The following SV2C variants were observed in gnomAD, a reference collection of about 807,000 sequenced individuals.
SV2C encodes synaptic vesicle glycoprotein 2C, also known as solute carrier family 22 member B3.
Under a neutral mutation model 79.7 loss-of-function variants are expected in SV2C, and 49 were observed. That is an observed-to-expected ratio of 0.61 (90% CI 0.49 to 0.78). The LOEUF (loss-of-function observed/expected upper bound fraction) is 0.78. Ranked by LOEUF, SV2C falls within the 30% of genes least tolerant of loss-of-function variation. The pLI is 0.00. For missense variants in SV2C, 833 were observed against 912.9 expected (o/e 0.91, Z 1.13); for synonymous variants, 334 against 333.2 (o/e 1.00, Z -0.03).
At chr5:75,891,340 T>G in the SV2C span, among the ~76,000 whole-genome samples, 1 of 152,116 alleles carries the variant, frequency 6.6e-6, no homozygotes, top group Non-Finnish European at 1.5e-5. Flanking sequence ...AGGGTAGAAC[T>G]CTCTTCATGT....
chr5:75,885,975 C>T, the SV2C span, among the ~76,000 whole-genome samples: 1 of 152,236 alleles, frequency 6.6e-6, no homozygotes, highest in East Asian at 1.9e-4. Context: ...TCACTCAGTT[C>T]CGTGGGGAGC....
chr5:76,260,712 T>C (rs1325708408), intron 4 of SV2C, among the ~76,000 whole-genome samples: 6 of 152,224 alleles, frequency 3.9e-5, no homozygotes, highest in Non-Finnish European at 8.8e-5. Flanking sequence ...CCTTTCCCCA[T>C]TGCTTGTTTT....
intron 12 of SV2C, among the ~76,000 whole-genome samples, chr5:76,351,781 C>T (rs1749646683): frequency 2.0e-5 from 3 of 152,186 alleles, no homozygotes; most frequent in Non-Finnish European, 4.4e-5. Flanking sequence ...ATAGTGCTAG[C>T]CAGACCGTGT....
At chr5:76,093,809 A>T (rs1747458248) in intron 1 of SV2C, among the ~76,000 whole-genome samples, 1 of 151,992 alleles carries the variant, frequency 6.6e-6, no homozygotes, top group Non-Finnish European at 1.5e-5. Context: ...TTATCAAATT[A>T]TTTTCCCCCT....
chr5:76,184,196 C>A (rs1743837492), intron 2 of SV2C, among the ~76,000 whole-genome samples: 1 of 152,152 alleles, frequency 6.6e-6, no homozygotes, highest in Admixed American at 6.5e-5. Flanking sequence ...TTTTGTTTTT[C>A]TTAAAGCTCT....
At chr5:76,306,476 A>C (rs1182026538) in intron 12 of SV2C, among the ~76,000 whole-genome samples, 1 of 152,228 alleles carries the variant, frequency 6.6e-6, no homozygotes, top group Non-Finnish European at 1.5e-5. Flanking sequence ...ACTAAAGTGC[A>C]ATTTATTATC....
At chr5:76,060,456 C>T in the SV2C span, among the ~76,000 whole-genome samples, 1,244 of 152,208 alleles carry the variant, frequency 8.2e-3, 26 homozygotes, top group African/African-American at 0.029. Context: ...GTAAGTGCAG[C>T]GTCATCTTTC....
At chr5:75,931,065 T>G in the SV2C span, among the ~76,000 whole-genome samples, 1 of 152,072 alleles carries the variant, frequency 6.6e-6, no homozygotes, top group Admixed American at 6.5e-5. Flanking sequence ...ACCTGGGAGG[T>G]GAGGTTGCAG....
intron 12 of SV2C, among the ~76,000 whole-genome samples, chr5:76,347,071 G>A (rs929848012): frequency 6.6e-6 from 1 of 152,110 alleles, no homozygotes; most frequent in Non-Finnish European, 1.5e-5. Context: ...AAAGAGGGGG[G>A]AAAAACAGAA....
intron 2 of SV2C, among the ~76,000 whole-genome samples, chr5:76,189,086 G>A (rs1744016501): frequency 6.6e-6 from 1 of 152,058 alleles, no homozygotes; most frequent in Non-Finnish European, 1.5e-5. Flanking sequence ...CCCAAACCAA[G>A]CATTTGACAC....
the SV2C span, among the ~76,000 whole-genome samples, chr5:76,034,349 A>T: frequency 6.6e-6 from 1 of 152,196 alleles, no homozygotes; most frequent in Non-Finnish European, 1.5e-5. Flanking sequence ...GAATGCTTCC[A>T]GCTTTTGTCC....
At chr5:75,984,594 T>TCTACCTATCTATCTATCTAC in the SV2C span, among the ~76,000 whole-genome samples, 3 of 81,802 alleles carry the variant, frequency 3.7e-5, no homozygotes, top group African/African-American at 9.5e-5. Context: ...TATCTATCTA[T>TCTACCTATCTATCTATCTAC]CTACCTATCT....
the SV2C span, among the ~76,000 whole-genome samples, chr5:75,853,559 A>AG: frequency 6.9e-5 from 10 of 144,644 alleles, no homozygotes; most frequent in Middle Eastern, 3.8e-3. Context: ...CCTTCTCAAA[A>AG]AAAAAAAAAA....
the SV2C span, among the ~76,000 whole-genome samples, chr5:75,892,506 G>C: frequency 6.6e-6 from 1 of 151,822 alleles, no homozygotes; most frequent in Non-Finnish European, 1.5e-5. Flanking sequence ...TGATGCTGAG[G>C]TTTGGGGTAC....
the SV2C span, among the ~76,000 whole-genome samples, chr5:75,985,841 G>A: frequency 8.0e-3 from 1,211 of 151,878 alleles, 17 homozygotes; most frequent in African/African-American, 0.028. Flanking sequence ...TGAAATAGGT[G>A]CATTCACAAT....
the SV2C span, among the ~76,000 whole-genome samples, chr5:76,014,133 G>C: frequency 6.9e-6 from 1 of 144,084 alleles, no homozygotes; most frequent in Admixed American, 7.3e-5. Flanking sequence ...AGAGAGAAAG[G>C]AATGAGGAAA....
intron 1 of SV2C, among the ~76,000 whole-genome samples, chr5:76,114,630 G>A (rs1419855876): frequency 1.3e-5 from 2 of 152,208 alleles, no homozygotes; most frequent in Non-Finnish European, 2.9e-5. Flanking sequence ...AGAAAAGACA[G>A]GCAGACAAGT....
the SV2C span, among the ~76,000 whole-genome samples, chr5:76,016,892 C>T: frequency 6.6e-6 from 1 of 152,206 alleles, no homozygotes; most frequent in African/African-American, 2.4e-5. Context: ...TTTCCTTGCT[C>T]AGCAGGCAAA....
At chr5:75,994,224 G>A in the SV2C span, among the ~76,000 whole-genome samples, 1 of 152,090 alleles carries the variant, frequency 6.6e-6, no homozygotes, top group Non-Finnish European at 1.5e-5. Flanking sequence ...GGAAGAGGGA[G>A]TCTTGAGGAG....
Sources: allele counts gnomAD v4.1 joint callset (sites outside exome capture counted in the v4.1 genomes callset), GRCh38; gene constraint gnomAD v4.1.1; transcripts MANE v1.5; gene names NCBI Gene and HGNC (gene_info 2026-07-23, HGNC 2026-07-21).